Variants in GUF1 observed in about 807,000 individuals in gnomAD.
GUF1 encodes the protein translation factor GUF1, mitochondrial.
A neutral mutation model predicts 82.4 loss-of-function variants in GUF1; 78 were observed. The ratio of observed to expected loss-of-function variants is 0.95; its 90% CI spans 0.79 to 1.14. The LOEUF is 1.14. Ranked by LOEUF, GUF1 falls within the 50% of genes most tolerant of loss-of-function variation. GUF1 has a pLI of 0.00. For missense variants in GUF1, 814 were observed against 798.2 expected, an observed-to-expected ratio of 1.02 and a Z score of -0.24; for synonymous variants, 279 against 282.3, an observed-to-expected ratio of 0.99 and a Z score of 0.12.
At chr4:44,682,276 A>C (rs1174177672) in intron 4 of GUF1, 58 bp from the exon 5 acceptor site, 4 of 893,814 alleles carry the variant, frequency 4.5e-6, no homozygotes, top group Non-Finnish European at 6.5e-6. Context: ...TTAAATTACA[A>C]GTTTTGTGAT....
intron 16 of GUF1, among the ~76,000 whole-genome samples, chr4:44,698,238 A>C (rs570626357): frequency 3.9e-5 from 6 of 152,308 alleles, no homozygotes; most frequent in African/African-American, 1.4e-4. Context: ...AGAGTTACCT[A>C]TATTAGACTG....
At chr4:44,683,373 C>A in intron 6 of GUF1, 55 bp downstream of exon 6, 2 of 1,017,828 alleles carry the variant, frequency 2.0e-6, no homozygotes, top group Non-Finnish European at 2.9e-6. Flanking sequence ...AGTAATTGGG[C>A]TAAGTGAAAT....
In GUF1 at chr4:44,686,647, C is replaced by T; in HGVS notation, c.872C>T (p.Thr291Ile). The T allele has an allele frequency of 6.2e-7, 1 of 1,611,848 alleles. No homozygotes were observed. Among genetic ancestry groups the T allele is most frequent in the Non-Finnish European group, 8.5e-7 (1 of 1,178,348 alleles). ...GGAGATAAAATTGTATCTGCACATA[C>T]TCAAAAGACATACGAAGTTAATGAA... ...SKGDKIVSAH[T>I]QKTYEVNEVG... The change falls in exon 8 of 17, where the codon ACT becomes ATT. Residue 291 changes from threonine (T) to isoleucine (I), a missense_variant. Transcript: ENST00000281543.
intron 14 of GUF1, 101 bp downstream of exon 14, chr4:44,694,614 A>C (rs1005873525): frequency 2.8e-6 from 2 of 703,512 alleles, no homozygotes. Flanking sequence ...TTCTAAGGTA[A>C]TTAAAATAGA....
chr4:44,678,876 C>A, intron 1 of GUF1, 89 bp downstream of exon 1: 3 of 1,328,046 alleles, frequency 2.3e-6, no homozygotes, highest in Non-Finnish European at 3.0e-6. Context: ...CTTTCTGGGA[C>A]TAGCTCTGAA....
chr4:44,688,322 A>G (rs368796224), intron 9 of GUF1, among the ~76,000 whole-genome samples, 176 bp downstream of exon 9: 26 of 152,086 alleles, frequency 1.7e-4, no homozygotes, highest in African/African-American at 5.3e-4. Context: ...TGATGAAATT[A>G]TATGTGGGAG....
At chr4:44,688,237 GTTATT>G in intron 9 of GUF1, 91 bp downstream of exon 9, 2 of 1,266,288 alleles carry the variant, frequency 1.6e-6, no homozygotes, top group Non-Finnish European at 2.2e-6. Flanking sequence ...ACACATTCTG[GTTATT>G]TTAAATAACC....
chr4:44,687,133 C>G (rs370189189), intron 8 of GUF1, among the ~76,000 whole-genome samples: 3 of 151,954 alleles, frequency 2.0e-5, no homozygotes, highest in South Asian at 2.1e-4. Flanking sequence ...GATTAAAATT[C>G]TTGGGGAGTA....
intron 8 of GUF1, among the ~76,000 whole-genome samples, chr4:44,687,142 T>C (rs1465575715): frequency 6.6e-6 from 1 of 151,782 alleles, no homozygotes; most frequent in African/African-American, 2.4e-5. Context: ...TCTTGGGGAG[T>C]AGGATTAGCA....
At chr4:44,691,863 T>C in intron 13 of GUF1, 64 bp downstream of exon 13, 1 of 1,094,802 alleles carries the variant, frequency 9.1e-7, no homozygotes, top group Admixed American at 2.5e-5. Context: ...TGAGCAAGGG[T>C]ATACTAATTC....
intron 16 of GUF1, 140 bp downstream of exon 16, chr4:44,697,584 G>C (rs1715915810): frequency 2.4e-6 from 1 of 423,626 alleles, no homozygotes; most frequent in Non-Finnish European, 4.3e-6. Context: ...GTAAATTTCA[G>C]CTTGACCATG....
chr4:44,695,676 C>T lies in GUF1; in HGVS notation c.1777C>T (p.Gln593Ter). Residue 593 changes from glutamine (Q) to a stop codon, truncating the protein, a stop_gained, in exon 15 of 17, where the codon CAA becomes TAA. Coordinates refer to ENST00000281543, the MANE Select transcript of GUF1 (RefSeq NM_021927.3). LOFTEE classifies it high-confidence loss of function. ...ACGGCTGAAGGATTCTCTTCCTAGGCAACTGTTTGAGATAGCAATTCAAGC... is the reference window on the plus strand; with the variant it reads ...ACGGCTGAAGGATTCTCTTCCTAGGTAACTGTTTGAGATAGCAATTCAAGC... The part of the protein sequence containing the change: ...CERLKDSLPR[Q>*]LFEIAIQAAI... 2 of 1,613,152 alleles carry T rather than the reference C, an allele frequency of 1.2e-6. No individual in the cohort carries two copies. Among genetic ancestry groups the T allele is most frequent in the Non-Finnish European group, 1.7e-6 (2 of 1,179,340 alleles).
chr4:44,678,436 C>T lies in GUF1; in HGVS notation c.-187C>T, dbSNP rs1054169939. On this transcript the variant is annotated 5_prime_UTR_variant, in exon 1 of 17. Transcript: ENST00000281543. ...GCGGCGTGCAGACGTCGGCAAGCTG[C>T]GCCGCCGCTTCGGGTTGCTTCCGGA... 1.2e-5 allele frequency: 6 copies of T among 496,346 alleles called. No individual in the cohort carries two copies. The highest frequency in any genetic ancestry group is 1.0e-4 in the African/African-American group (5 of 49,452). The allele number at this position is 496,346 out of a possible 1,614,324, so 30.7% of individuals were successfully genotyped here.
chr4:44,687,977 T>G, intron 8 of GUF1, 30 bp from the exon 9 acceptor site: 1 of 1,593,704 alleles, frequency 6.3e-7, no homozygotes, highest in Non-Finnish European at 8.6e-7. Context: ...ATTAAAGCAG[T>G]AAATATTTGC....
chr4:44,690,056 A>C, intron 11 of GUF1, 81 bp downstream of exon 11: 1 of 1,047,048 alleles, frequency 9.6e-7, no homozygotes, highest in East Asian at 2.8e-5. Flanking sequence ...TATACAATGC[A>C]GGAGAAGCTT....
At chr4:44,683,163 C>T in intron 5 of GUF1, 72 bp from the exon 6 acceptor site, 1 of 916,654 alleles carries the variant, frequency 1.1e-6, no homozygotes, top group South Asian at 1.7e-5. Flanking sequence ...TTTTAATTAC[C>T]TCCGAATACT....
chr4:44,695,833 C>A lies in GUF1; in HGVS notation c.1835+99C>A. 4.2e-6 allele frequency: 5 copies of A among 1,190,272 alleles called. No individual in the cohort carries two copies. The Admixed American group carries it at 8.7e-5, about 21-fold the overall frequency. 73.7% of individuals were successfully genotyped at this position (1,190,272 alleles called of 1,614,324 possible). On this transcript the variant is annotated intron_variant, in intron 15 of 16. Transcript: ENST00000281543. ...CATTTTAATTTAACATTGGCCTAAG[C>A]TTTCTTACTTGTAGAAACAGTATGA...
chr4:44,681,898 G>A (rs1714792812), intron 4 of GUF1, among the ~76,000 whole-genome samples: 1 of 152,050 alleles, frequency 6.6e-6, no homozygotes, highest in South Asian at 2.1e-4. Flanking sequence ...TGAGGTCCTT[G>A]AGAGTCCATG....
intron 8 of GUF1, 108 bp from the exon 9 acceptor site, chr4:44,687,899 G>A: frequency 1.1e-6 from 1 of 932,018 alleles, no homozygotes; most frequent in Non-Finnish European, 1.6e-6. Flanking sequence ...AAAGTGTATG[G>A]AAAGTTTGGA....
Sources: gnomAD v4.1 joint callset for allele counts (sites outside exome capture counted in the v4.1 genomes callset) on GRCh38, gnomAD v4.1.1 for gene constraint, MANE v1.5 for transcripts, NCBI Gene and HGNC (gene_info 2026-07-23, HGNC 2026-07-21) for gene names.